The following CDH13 variants were observed in gnomAD, a reference collection of about 807,000 sequenced individuals.
CDH13 encodes the protein cadherin 13.
Under a neutral mutation model 63.8 loss-of-function variants are expected in CDH13, and 24 were observed. That is an observed-to-expected ratio of 0.38 (90% CI 0.27 to 0.53). The LOEUF is 0.53. Among genes scored for constraint, CDH13 ranks in the 20% least tolerant of loss-of-function variants. CDH13 has a pLI of 0.85. For missense variants in CDH13, 1,049 were observed against 903.1 expected (o/e 1.16, Z -2.07); for synonymous variants, 503 against 355.3 (o/e 1.42, Z -4.67).
At chr16:82,851,317 C>A (rs2039471636) in intron 1 of CDH13, among the ~76,000 whole-genome samples, 1 of 151,878 alleles carries the variant, frequency 6.6e-6, no homozygotes, top group African/African-American at 2.4e-5. Flanking sequence ...TGCCTGTAAT[C>A]CCAGCTACTC....
intron 3 of CDH13, among the ~76,000 whole-genome samples, chr16:83,062,614 C>G (rs1189111344): frequency 6.6e-6 from 1 of 152,170 alleles, no homozygotes; most frequent in African/African-American, 2.4e-5. Flanking sequence ...TGCAAGATGA[C>G]CCTGCTGGCT....
At chr16:82,985,989 C>T (rs1910887612) in intron 2 of CDH13, among the ~76,000 whole-genome samples, 1 of 152,178 alleles carries the variant, frequency 6.6e-6, no homozygotes, top group Non-Finnish European at 1.5e-5. Flanking sequence ...CAGACATTGG[C>T]ATCATGCTTC....
rs1479273970 is a variant in CDH13 at position 83,691,070 on chromosome 16, CCGTGTG to C, written c.1538+12610_1538+12615del. Among the ~76,000 whole-genome samples, 520 of 105,376 alleles carry C rather than the reference CCGTGTG, an allele frequency of 4.9e-3. 3 individuals carry two copies. Among genetic ancestry groups the C allele is most frequent in the Admixed American group, 0.022 (180 of 8,246 alleles). The allele number at this position is 105,376 out of a possible 152,430, so 69.1% of individuals were successfully genotyped here. ...GACAGGGATTTGCTAACCAACTGTG[CCGTGTG>C]TGTGTGTGTGTGTGTGTGTGTGTGT... On this transcript the variant is annotated intron_variant, in intron 10 of 13. Coordinates refer to ENST00000567109, the MANE Select transcript of CDH13 (RefSeq NM_001257.5).
chr16:82,746,638 T>C (rs2034188815), intron 1 of CDH13, among the ~76,000 whole-genome samples: 2 of 152,158 alleles, frequency 1.3e-5, no homozygotes, highest in East Asian at 1.9e-4. Context: ...AAGAAATTAA[T>C]CCACTTATTT....
At chr16:82,718,030 C>A (rs2032507053) in intron 1 of CDH13, among the ~76,000 whole-genome samples, 1 of 152,210 alleles carries the variant, frequency 6.6e-6, no homozygotes, top group Admixed American at 6.5e-5. Context: ...CAGAAGCAGA[C>A]CCTGCAACGA....
intron 1 of CDH13, among the ~76,000 whole-genome samples, chr16:82,808,923 T>C (rs1208422673): frequency 6.6e-6 from 1 of 152,208 alleles, no homozygotes; most frequent in South Asian, 2.1e-4. Flanking sequence ...CCTGCCCTCA[T>C]GTTTACACAT....
chr16:82,708,258 T>C (rs1226257518), intron 1 of CDH13, among the ~76,000 whole-genome samples: 4 of 152,188 alleles, frequency 2.6e-5, no homozygotes, highest in East Asian at 1.9e-4. Context: ...CTGGCTGGCT[T>C]TGTGGCATGG....
At chr16:83,777,444 C>A (rs1036618701) in intron 11 of CDH13, among the ~76,000 whole-genome samples, 2 of 152,216 alleles carry the variant, frequency 1.3e-5, no homozygotes, top group African/African-American at 4.8e-5. Context: ...ACCCTGCGGT[C>A]CCCCAGCCAG....
chr16:82,873,484 G>A (rs890108208), intron 2 of CDH13, among the ~76,000 whole-genome samples: 1 of 152,116 alleles, frequency 6.6e-6, no homozygotes, highest in Non-Finnish European at 1.5e-5. Context: ...ACAGACTGGG[G>A]TGTCCTTGAT....
chr16:83,456,289 G>C (rs781001583), intron 6 of CDH13, among the ~76,000 whole-genome samples: 1 of 152,232 alleles, frequency 6.6e-6, no homozygotes, highest in Non-Finnish European at 1.5e-5. Flanking sequence ...AAATCGAATG[G>C]ACCAGGGCCA....
chr16:82,889,953 T>C (rs903597685), intron 2 of CDH13, among the ~76,000 whole-genome samples: 2 of 152,212 alleles, frequency 1.3e-5, no homozygotes, highest in African/African-American at 4.8e-5. Context: ...AGGTAATACA[T>C]TTAAAACACA....
Position 83,798,422 on chromosome 16 carries a change from G to C in CDH13, c.*3392G>C, listed in dbSNP as rs1269279397. 6.6e-6 allele frequency: 1 copy of C among 152,186 alleles called. No individual in the cohort carries two copies. Among genetic ancestry groups the C allele is most frequent in the African/African-American group, 2.4e-5 (1 of 41,442 alleles). The allele number at this position is 152,186 out of a possible 1,614,324, so 9.4% of individuals were successfully genotyped here. A position where few individuals can be genotyped will look rare whatever the true frequency, so the allele number is the denominator to read the frequency against. Reference sequence around the variant, plus strand: ...TAATAATGGTTTATATTTATCAACTGCTTATTATGTGCCCACACTGTACAA... The same window carrying C: ...TAATAATGGTTTATATTTATCAACTCCTTATTATGTGCCCACACTGTACAA... On this transcript the variant is annotated 3_prime_UTR_variant, in exon 14 of 14. Transcript: ENST00000567109.
At chr16:82,695,430 G>A (rs7197632) in intron 1 of CDH13, among the ~76,000 whole-genome samples, 1 of 151,992 alleles carries the variant, frequency 6.6e-6, no homozygotes, top group East Asian at 1.9e-4. Context: ...TTCTCCCTTC[G>A]ATCTGTTCCT....
At chr16:83,365,831 C>A (rs1388554650) in intron 6 of CDH13, among the ~76,000 whole-genome samples, 1 of 152,134 alleles carries the variant, frequency 6.6e-6, no homozygotes, top group East Asian at 1.9e-4. Flanking sequence ...TGGAATTGGG[C>A]TGCATGGGAA....
intron 1 of CDH13, among the ~76,000 whole-genome samples, chr16:82,658,474 C>T (rs975850647): frequency 1.3e-5 from 2 of 152,214 alleles, no homozygotes; most frequent in Non-Finnish European, 2.9e-5. Flanking sequence ...TACTTTTCTT[C>T]ATACCTGTCT....
chr16:82,794,058 T>C (rs2875710), intron 1 of CDH13, among the ~76,000 whole-genome samples: 50,460 of 151,748 alleles, frequency 0.33, 9,095 homozygotes, highest in East Asian at 0.77. Flanking sequence ...ACCAAGCTTG[T>C]CCAATCCGAG....
chr16:83,570,944 TCC>T (rs1491497316), intron 7 of CDH13, among the ~76,000 whole-genome samples: 43 of 69,482 alleles, frequency 6.2e-4, no homozygotes, highest in African/African-American at 2.1e-3. Flanking sequence ...TTATAACTCA[TCC>T]ATATATATAT....
chr16:83,423,140 G>A (rs1023582985), intron 6 of CDH13, among the ~76,000 whole-genome samples: 2 of 152,096 alleles, frequency 1.3e-5, no homozygotes, highest in African/African-American at 4.8e-5. Flanking sequence ...GACCCTGTAT[G>A]TAGAAATAAC....
At chr16:83,653,972 G>A (rs1404989002) in intron 8 of CDH13, among the ~76,000 whole-genome samples, 1 of 152,180 alleles carries the variant, frequency 6.6e-6, no homozygotes, top group South Asian at 2.1e-4. Context: ...TGAACGAGTG[G>A]CTAGGAACAC....
Sources: gnomAD v4.1 joint callset for allele counts (sites outside exome capture counted in the v4.1 genomes callset) on GRCh38, gnomAD v4.1.1 for gene constraint, MANE v1.5 for transcripts, NCBI Gene and HGNC (gene_info 2026-07-23, HGNC 2026-07-21) for gene names.